Variants in PCCA observed in about 807,000 individuals in gnomAD.
The protein encoded by PCCA is propionyl-CoA carboxylase subunit alpha, also known as propionyl-CoA carboxylase alpha chain, mitochondrial.
A neutral mutation model predicts 101.3 loss-of-function variants in PCCA; 74 were observed. The observed-to-expected ratio is 0.73, with a 90% CI of 0.61 to 0.89. The LOEUF (loss-of-function observed/expected upper bound fraction) is 0.89, where lower values mean the gene tolerates loss of function less well. Among genes scored for constraint, PCCA ranks in the 40% least tolerant of loss-of-function variants. The pLI is 0.00. For synonymous variants in PCCA, 294 were observed against 313.6 expected (o/e 0.94, Z 0.66); for missense variants, 891 against 907.0 (o/e 0.98, Z 0.23).
intron 19 of PCCA, among the ~76,000 whole-genome samples, chr13:100,383,630 A>G (rs2076348855): frequency 1.3e-5 from 2 of 151,976 alleles, no homozygotes; most frequent in South Asian, 4.1e-4. Flanking sequence ...AAAAAAATAA[A>G]GATTTGAGAT....
chr13:100,522,779 A>C (rs1594132526), intron 22 of PCCA, among the ~76,000 whole-genome samples: 1 of 152,226 alleles, frequency 6.6e-6, no homozygotes, highest in African/African-American at 2.4e-5. Flanking sequence ...TGTTACTGTA[A>C]ATCTCATCCA....
chr13:100,528,122 TAATGTA>T (rs751523026), intron 23 of PCCA, among the ~76,000 whole-genome samples: 10 of 152,198 alleles, frequency 6.6e-5, no homozygotes, highest in Admixed American at 1.3e-4. Context: ...TTGCAAAAAT[TAATGTA>T]ACTCTTCAAG....
At chr13:100,319,836 T>C (rs1000707392) in intron 16 of PCCA, among the ~76,000 whole-genome samples, 4 of 152,230 alleles carry the variant, frequency 2.6e-5, no homozygotes, top group African/African-American at 4.8e-5. Context: ...TTTGGTTCCA[T>C]ATGAACTTTA....
At chr13:100,205,740 G>C (rs1439016522) in intron 6 of PCCA, among the ~76,000 whole-genome samples, 2 of 151,938 alleles carry the variant, frequency 1.3e-5, no homozygotes, top group Non-Finnish European at 2.9e-5. Context: ...TACTCTGATT[G>C]CTTGATTACA....
chr13:100,299,558 A>G (rs2065894323), intron 12 of PCCA, among the ~76,000 whole-genome samples: 1 of 152,162 alleles, frequency 6.6e-6, no homozygotes, highest in African/African-American at 2.4e-5. Flanking sequence ...CATTCATTCA[A>G]TATGTATTTA....
At chr13:100,103,316 T>C (rs1490739664) in intron 2 of PCCA, among the ~76,000 whole-genome samples, 2 of 130,246 alleles carry the variant, frequency 1.5e-5, no homozygotes, top group African/African-American at 7.7e-5. Flanking sequence ...TACTTAATAC[T>C]TTTTTTTTTT....
At chr13:100,215,559 A>G (rs1242852413) in intron 7 of PCCA, among the ~76,000 whole-genome samples, 5 of 152,192 alleles carry the variant, frequency 3.3e-5, no homozygotes, top group Non-Finnish European at 5.9e-5. Context: ...TTGATGCTCA[A>G]GTGCCTTATA....
chr13:100,520,222 T>C (rs967080092), intron 22 of PCCA, among the ~76,000 whole-genome samples: 5 of 152,258 alleles, frequency 3.3e-5, no homozygotes, highest in African/African-American at 9.6e-5. Context: ...AATGAGACAT[T>C]ACATATAACA....
Position 100,268,720 on chromosome 13 carries a change from G to A in PCCA, c.851G>A (p.Trp284Ter). The A allele has an allele frequency of 6.2e-7, 1 of 1,614,056 alleles. No homozygotes were observed. Among genetic ancestry groups the A allele is most frequent in the South Asian group, 1.1e-5 (1 of 91,078 alleles). Residue 284 changes from tryptophan (W) to a stop codon, truncating the protein, a stop_gained, in exon 11 of 24, where the codon TGG becomes TAG. Coordinates refer to ENST00000376285, the MANE Select transcript of PCCA (RefSeq NM_000282.4). LOFTEE classifies it high-confidence loss of function. ...VLGDKHGNAL[W>*]LNERECSIQR... is the part of the protein sequence containing the mutation. ...GGTGATAAACATGGGAATGCTTTAT[G>A]GCTTAATGAAAGAGAGTGCTCAATT...
intron 6 of PCCA, among the ~76,000 whole-genome samples, chr13:100,205,723 G>A (rs895992643): frequency 6.6e-6 from 1 of 152,008 alleles, no homozygotes; most frequent in African/African-American, 2.4e-5. Flanking sequence ...TCAATTCTTT[G>A]TGTGGGTACT....
intron 4 of PCCA, among the ~76,000 whole-genome samples, chr13:100,135,035 G>T (rs2050991951): frequency 6.6e-6 from 1 of 151,610 alleles, no homozygotes; most frequent in South Asian, 2.1e-4. Flanking sequence ...ATGCCACCAT[G>T]CCCAGCTTGT....
At chr13:100,173,225 G>A (rs903124830) in intron 6 of PCCA, among the ~76,000 whole-genome samples, 1 of 152,230 alleles carries the variant, frequency 6.6e-6, no homozygotes, top group African/African-American at 2.4e-5. Flanking sequence ...CAGCAGTGGT[G>A]ATCTGTAGTG....
At chr13:100,482,692 G>A (rs1041923094) in intron 21 of PCCA, among the ~76,000 whole-genome samples, 2 of 152,210 alleles carry the variant, frequency 1.3e-5, no homozygotes, top group Non-Finnish European at 1.5e-5. Context: ...GGGTTCAAGC[G>A]ATTCTCCTGC....
chr13:100,490,347 C>T (rs577574833), intron 21 of PCCA: 1 of 152,214 alleles, frequency 6.6e-6, no homozygotes, highest in Non-Finnish European at 1.5e-5. Flanking sequence ...AAATGGTCAC[C>T]ATAGGTCTGA....
intron 21 of PCCA, among the ~76,000 whole-genome samples, chr13:100,460,360 A>G (rs751786508): frequency 2.0e-4 from 30 of 152,250 alleles, no homozygotes; most frequent in Non-Finnish European, 4.0e-4. Flanking sequence ...AAGTACTATA[A>G]TAAGGCAAAC....
At chr13:100,436,792 G>C (rs771886891) in intron 20 of PCCA, among the ~76,000 whole-genome samples, 15 of 152,186 alleles carry the variant, frequency 9.9e-5, no homozygotes, top group Non-Finnish European at 1.9e-4. Context: ...GGGTGAATGG[G>C]TAAGTGGACA....
intron 12 of PCCA, among the ~76,000 whole-genome samples, chr13:100,282,893 C>T (rs564766865): frequency 6.6e-6 from 1 of 152,192 alleles, no homozygotes; most frequent in East Asian, 1.9e-4. Context: ...AATGATAATC[C>T]TCCTCTAATC....
intron 4 of PCCA, among the ~76,000 whole-genome samples, chr13:100,133,870 G>A (rs1408175585): frequency 1.3e-5 from 2 of 152,256 alleles, no homozygotes; most frequent in African/African-American, 4.8e-5. Context: ...TGAGTCTTCC[G>A]GCCTTCATCT....
intron 4 of PCCA, among the ~76,000 whole-genome samples, chr13:100,119,797 A>G (rs1218700406): frequency 6.6e-6 from 1 of 152,120 alleles, no homozygotes; most frequent in Non-Finnish European, 1.5e-5. Flanking sequence ...AATCTTCTAG[A>G]TTATTGAGAT....
Sources: gnomAD v4.1 joint callset for allele counts (sites outside exome capture counted in the v4.1 genomes callset) on GRCh38, gnomAD v4.1.1 for gene constraint, MANE v1.5 for transcripts, NCBI Gene and HGNC (gene_info 2026-07-23, HGNC 2026-07-21) for gene names.